Variants in RERE observed in about 807,000 individuals in gnomAD.
RERE encodes the protein arginine-glutamic acid dipeptide repeats protein.
In RERE, 40 loss-of-function variants were observed where a neutral mutation model predicts 146.1. The ratio of observed to expected loss-of-function variants is 0.27; its 90% CI spans 0.21 to 0.36. The LOEUF (loss-of-function observed/expected upper bound fraction) is 0.36, where lower values mean the gene tolerates loss of function less well. RERE is among the 10% of genes least tolerant of loss of function. RERE has a pLI of 1.00. For synonymous variants in RERE, 1,003 were observed against 866.0 expected (o/e 1.16, Z -2.78); for missense variants, 1,933 against 2,138.7 (o/e 0.90, Z 1.90).
At chr1:8,791,464 TA>T (rs1641362348) in intron 1 of RERE, among the ~76,000 whole-genome samples, 1 of 152,134 alleles carries the variant, frequency 6.6e-6, no homozygotes, top group African/African-American at 2.4e-5. Flanking sequence ...CAAGAGACAC[TA>T]AAAAAATAAA....
intron 2 of RERE, among the ~76,000 whole-genome samples, chr1:8,629,193 G>C (rs1393881231): frequency 6.6e-6 from 1 of 152,184 alleles, no homozygotes; most frequent in Non-Finnish European, 1.5e-5. Context: ...GATAACTAAT[G>C]TGTCTTTACT....
intron 1 of RERE, among the ~76,000 whole-genome samples, chr1:8,768,536 G>T (rs1640888841): frequency 6.6e-6 from 1 of 152,170 alleles, no homozygotes; most frequent in South Asian, 2.1e-4. Flanking sequence ...CTGAACACTT[G>T]AAATGCAGCT....
intron 4 of RERE, among the ~76,000 whole-genome samples, chr1:8,609,733 A>C (rs1483381761): frequency 6.6e-6 from 1 of 152,204 alleles, no homozygotes; most frequent in Non-Finnish European, 1.5e-5. Context: ...TTTTATAATA[A>C]ATTTTCTTTT....
At chr1:8,546,261 G>A (rs1394193377) in intron 6 of RERE, among the ~76,000 whole-genome samples, 1 of 150,566 alleles carries the variant, frequency 6.6e-6, no homozygotes, top group Non-Finnish European at 1.5e-5. Context: ...GACTACAGGT[G>A]TGGGCCACCA....
chr1:8,773,014 G>A (rs1210677565), intron 1 of RERE, among the ~76,000 whole-genome samples: 1 of 152,224 alleles, frequency 6.6e-6, no homozygotes, highest in Non-Finnish European at 1.5e-5. Flanking sequence ...TTGAACCCAG[G>A]AGGTGAAGGT....
At position 8,610,050 on chromosome 1, in the gene RERE, G is replaced by A. The variant is rs185200283; in HGVS notation, c.522+4511C>T. Among the ~76,000 whole-genome samples, 34 of 152,166 alleles carry A rather than the reference G, an allele frequency of 2.2e-4. No individual in the cohort carries two copies. The East Asian group carries it at 5.9e-3, about 26-fold the overall frequency. On this transcript the variant is annotated intron_variant, in intron 4 of 22. Transcript: ENST00000400908. The stretch of plus-strand genomic sequence containing the variant: ...TCCCAAACTGCTGGGGATTACAGGC[G>A]TGAGCCATCATGCCCGGGCTGATTT...
intron 1 of RERE, among the ~76,000 whole-genome samples, chr1:8,736,875 A>C (rs1296907345): frequency 5.7e-5 from 8 of 141,002 alleles, no homozygotes; most frequent in South Asian, 4.4e-4. Flanking sequence ...AAAAAAAAAA[A>C]CTAAAACCTT....
chr1:8,352,658 C>CA lies in RERE; in HGVS notation c.*2428dup, dbSNP rs1435917672. 1 of 152,302 alleles carries CA rather than the reference C, an allele frequency of 6.6e-6. No individual in the cohort carries two copies. Among genetic ancestry groups the CA allele is most frequent in the Non-Finnish European group, 1.5e-5 (1 of 68,048 alleles). 9.4% of individuals were successfully genotyped at this position (152,302 alleles called of 1,614,324 possible). A position where few individuals can be genotyped will look rare whatever the true frequency, so the allele number is the denominator to read the frequency against. ...ACACCGAACAAGATACGGACACACA[C>CA]AGAGGAGCCAAACCAAACCCCGAAC... On this transcript the variant is annotated 3_prime_UTR_variant, in exon 23 of 23. Transcript: ENST00000400908.
chr1:8,627,246 A>G (rs1646985145), intron 2 of RERE, among the ~76,000 whole-genome samples: 1 of 152,156 alleles, frequency 6.6e-6, no homozygotes, highest in South Asian at 2.1e-4. Flanking sequence ...CTGTCCACTA[A>G]CAATTACTAT....
chr1:8,768,644 T>G (rs1378811312), intron 1 of RERE, among the ~76,000 whole-genome samples: 1 of 152,230 alleles, frequency 6.6e-6, no homozygotes, highest in Non-Finnish European at 1.5e-5. Flanking sequence ...AGTAAACTTT[T>G]CTGTTAAAGA....
At chr1:8,573,185 A>T (rs1646243439) in intron 4 of RERE, among the ~76,000 whole-genome samples, 1 of 152,206 alleles carries the variant, frequency 6.6e-6, no homozygotes, top group South Asian at 2.1e-4. Context: ...TATAAAAATA[A>T]CAGAACCATC....
intron 11 of RERE, chr1:8,428,508 G>C (rs1243131062): frequency 6.6e-6 from 1 of 152,144 alleles, no homozygotes; most frequent in Non-Finnish European, 1.5e-5. Context: ...TTCCACTATT[G>C]AGCTGAATTT....
intron 2 of RERE, among the ~76,000 whole-genome samples, chr1:8,636,744 A>G (rs1263893811): frequency 6.6e-6 from 1 of 152,124 alleles, no homozygotes; most frequent in African/African-American, 2.4e-5. Context: ...TGAATCCTGA[A>G]AAGTGGAAGC....
intron 2 of RERE, among the ~76,000 whole-genome samples, chr1:8,641,750 A>G (rs1197274042): frequency 6.6e-6 from 1 of 152,226 alleles, no homozygotes; most frequent in African/African-American, 2.4e-5. Context: ...GTGAGGCAGT[A>G]ACATCTCTGA....
At chr1:8,582,001 C>T (rs1297243981) in intron 4 of RERE, among the ~76,000 whole-genome samples, 3 of 151,838 alleles carry the variant, frequency 2.0e-5, no homozygotes, top group African/African-American at 4.8e-5. Flanking sequence ...CTTTTAATGG[C>T]TAATGTTCAT....
chr1:8,364,263 A>T lies in RERE; in HGVS notation c.1541-8T>A. ...GGTGCCAATCTTTGGAGGCTGTGTG[A>T]GGGAAGTGGTGGGGGCCAACCTTGG... On this transcript the variant is annotated splice_region_variant and splice_polypyrimidine_tract_variant and intron_variant, in intron 14 of 22. Coordinates refer to ENST00000400908, the MANE Select transcript of RERE (RefSeq NM_001042681.2). This position sits in a 1 kb window ranked among gnomAD's most constrained non-coding sequence, Gnocchi z 5.1. The T allele has an allele frequency of 6.2e-7, 1 of 1,613,844 alleles. No homozygotes were observed. The highest frequency in any genetic ancestry group is 1.1e-5 in the South Asian group (1 of 91,062).
At chr1:8,545,965 A>G (rs1234475538) in intron 6 of RERE, among the ~76,000 whole-genome samples, 2 of 142,340 alleles carry the variant, frequency 1.4e-5, no homozygotes, top group Non-Finnish European at 3.0e-5. Flanking sequence ...TTACAGGTGC[A>G]AGCTACCATA....
chr1:8,766,517 A>T (rs1304051593), intron 1 of RERE, among the ~76,000 whole-genome samples: 1 of 149,778 alleles, frequency 6.7e-6, no homozygotes, highest in Non-Finnish European at 1.5e-5. Context: ...ACTGCCCTCC[A>T]GCCTAGGCAA....
chr1:8,805,011 T>TG (rs1322629582), intron 1 of RERE, among the ~76,000 whole-genome samples: 1 of 139,286 alleles, frequency 7.2e-6, no homozygotes, highest in African/African-American at 2.7e-5. Context: ...GTTTTTGGTT[T>TG]TTTTTTTTTT....
Sources: gnomAD v4.1 joint callset for allele counts (sites outside exome capture counted in the v4.1 genomes callset) on GRCh38, gnomAD v4.1.1 for gene constraint, Gnocchi (gnomAD v3.1) non-coding constraint, MANE v1.5 for transcripts, NCBI Gene and HGNC (gene_info 2026-07-23, HGNC 2026-07-21) for gene names.